Variants in NBEA observed in about 807,000 individuals in gnomAD.
NBEA encodes the protein lysosomal-trafficking regulator 2.
In NBEA, 44 loss-of-function variants were observed where a neutral mutation model predicts 343.4. The observed-to-expected ratio is 0.13, with a 90% CI of 0.10 to 0.16. The LOEUF is 0.16. Ranked by LOEUF, NBEA falls within the 10% of genes least tolerant of loss-of-function variation. The pLI is 1.00. For synonymous variants in NBEA, 1,175 were observed against 1,238.7 expected (o/e 0.95, Z 1.08); for missense variants, 2,555 against 3,631.3 (o/e 0.70, Z 7.62).
At chr13:35,167,239 T>C (rs189156217) in intron 24 of NBEA, among the ~76,000 whole-genome samples, 21 of 152,112 alleles carry the variant, frequency 1.4e-4, no homozygotes, top group Admixed American at 1.2e-3. Context: ...AGACAATACA[T>C]AAACAAATAT....
intron 35 of NBEA, among the ~76,000 whole-genome samples, chr13:35,306,683 G>C (rs1447085064): frequency 6.6e-6 from 1 of 151,942 alleles, no homozygotes; most frequent in Non-Finnish European, 1.5e-5. Flanking sequence ...AGTAATATTT[G>C]TCATTAAAGG....
intron 34 of NBEA, among the ~76,000 whole-genome samples, chr13:35,242,038 G>A (rs2030390287): frequency 6.6e-6 from 1 of 151,888 alleles, no homozygotes; most frequent in South Asian, 2.1e-4. Context: ...CATAGTTCAT[G>A]CAAAGGAACA....
intron 10 of NBEA, among the ~76,000 whole-genome samples, chr13:35,093,954 A>G (rs750860490): frequency 6.6e-6 from 1 of 151,794 alleles, no homozygotes; most frequent in Non-Finnish European, 1.5e-5. Flanking sequence ...CAAACTATAT[A>G]AATTTTGTTA....
At chr13:35,668,574 T>G in intron 58 of NBEA, 55 bp downstream of exon 58, 1 of 1,479,694 alleles carries the variant, frequency 6.8e-7, no homozygotes, top group Non-Finnish European at 9.0e-7. Flanking sequence ...GAAGGCTCTC[T>G]TCATTCTACC....
intron 30 of NBEA, among the ~76,000 whole-genome samples, chr13:35,191,686 A>C (rs907827194): frequency 3.3e-5 from 5 of 152,072 alleles, no homozygotes; most frequent in African/African-American, 1.2e-4. Flanking sequence ...TTTCATTTTA[A>C]ATTACAGTGA....
intron 39 of NBEA, among the ~76,000 whole-genome samples, chr13:35,446,975 C>A (rs1300386727): frequency 2.0e-5 from 3 of 152,068 alleles, no homozygotes; most frequent in Non-Finnish European, 4.4e-5. Flanking sequence ...GTTAGCCACA[C>A]ATATGATTTA....
chr13:35,552,259 C>T (rs1457765319), intron 43 of NBEA, among the ~76,000 whole-genome samples: 1 of 152,156 alleles, frequency 6.6e-6, no homozygotes, highest in African/African-American at 2.4e-5. Flanking sequence ...TCTACAGGAC[C>T]TAACACAGTG....
chr13:35,120,302 C>T (rs1400384507), intron 16 of NBEA, among the ~76,000 whole-genome samples: 1 of 152,074 alleles, frequency 6.6e-6, no homozygotes, highest in African/African-American at 2.4e-5. Flanking sequence ...GATTAAAAGG[C>T]CTTGTGCTCA....
chr13:35,339,022 AAAAC>A (rs2039429814), intron 36 of NBEA, among the ~76,000 whole-genome samples: 2 of 152,100 alleles, frequency 1.3e-5, no homozygotes, highest in African/African-American at 4.8e-5. Context: ...TTTACAAAAC[AAAAC>A]AAAGAACCCC....
At chr13:35,482,233 C>G (rs2076146172) in intron 41 of NBEA, among the ~76,000 whole-genome samples, 1 of 150,876 alleles carries the variant, frequency 6.6e-6, no homozygotes, top group South Asian at 2.1e-4. Context: ...AAAACGATTA[C>G]CTTTTATCAT....
intron 33 of NBEA, among the ~76,000 whole-genome samples, chr13:35,219,358 G>A (rs886449529): frequency 7.9e-5 from 12 of 152,056 alleles, no homozygotes; most frequent in African/African-American, 2.9e-4. Flanking sequence ...TAGTGCAGTA[G>A]TTTTCTAACA....
At chr13:35,164,912 A>G (rs561653271) in intron 24 of NBEA, among the ~76,000 whole-genome samples, 3 of 152,358 alleles carry the variant, frequency 2.0e-5, no homozygotes, top group East Asian at 1.9e-4. Context: ...ATGTGTTAAT[A>G]TAATACATTT....
chr13:35,239,317 G>T (rs2075379177), intron 34 of NBEA, among the ~76,000 whole-genome samples: 1 of 152,002 alleles, frequency 6.6e-6, no homozygotes, highest in Admixed American at 6.6e-5. Context: ...TTGTGGCAAG[G>T]ACTCATGGTG....
chr13:35,385,213 TGTAGA>T (rs149656225), intron 38 of NBEA, among the ~76,000 whole-genome samples: 35 of 152,316 alleles, frequency 2.3e-4, no homozygotes, highest in African/African-American at 8.2e-4. Context: ...ATGTATTACT[TGTAGA>T]GTACTTTGTT....
At chr13:35,046,048 CT>C (rs1333547427) in intron 4 of NBEA, among the ~76,000 whole-genome samples, 2 of 152,010 alleles carry the variant, frequency 1.3e-5, no homozygotes, top group Non-Finnish European at 2.9e-5. Context: ...TTGTGTCAGG[CT>C]TCTTTCACTT....
chr13:34,999,391 C>T (rs1201871644), intron 1 of NBEA, among the ~76,000 whole-genome samples: 6 of 152,088 alleles, frequency 3.9e-5, no homozygotes, highest in African/African-American at 1.4e-4. Flanking sequence ...CCAATACTCT[C>T]TTTACCCCCT....
chr13:35,355,186 T>C (rs1035128719), intron 38 of NBEA, among the ~76,000 whole-genome samples: 3 of 137,608 alleles, frequency 2.2e-5, no homozygotes, highest in Non-Finnish European at 5.1e-5. Context: ...ACTTGACTTA[T>C]TGTACCAGCA....
chr13:35,621,434 C>T (rs1356612335), intron 48 of NBEA, among the ~76,000 whole-genome samples: 1 of 152,122 alleles, frequency 6.6e-6, no homozygotes, highest in Non-Finnish European at 1.5e-5. Context: ...CCTAAACTAG[C>T]AATCCTCCCC....
chr13:35,220,085 G>A (rs943870007), intron 33 of NBEA, among the ~76,000 whole-genome samples: 1 of 152,050 alleles, frequency 6.6e-6, no homozygotes, highest in East Asian at 1.9e-4. Context: ...CCTCCACATC[G>A]CAGGAGTTAT....
Sources: allele counts gnomAD v4.1 joint callset (sites outside exome capture counted in the v4.1 genomes callset), GRCh38; gene constraint gnomAD v4.1.1; transcripts MANE v1.5; gene names NCBI Gene and HGNC (gene_info 2026-07-23, HGNC 2026-07-21).